Variants in RASSF4 observed in about 807,000 individuals in gnomAD.
RASSF4 encodes the protein Ras association domain family member 4.
RASSF4 carries 38 observed loss-of-function variants against 41.1 expected under a neutral mutation model. The ratio of observed to expected loss-of-function variants is 0.92; its 90% confidence interval spans 0.71 to 1.21. The LOEUF (loss-of-function observed/expected upper bound fraction) is 1.21. Among genes scored for constraint, RASSF4 ranks in the 50% most tolerant of loss-of-function variants. The pLI is 0.00. For missense variants in RASSF4, 414 were observed against 419.4 expected (o/e 0.99, Z 0.11); for synonymous variants, 179 against 163.4 (o/e 1.10, Z -0.73).
At chr10:44,961,681 C>G (rs1393605779) in intron 1 of RASSF4, among the ~76,000 whole-genome samples, 2 of 152,214 alleles carry the variant, frequency 1.3e-5, no homozygotes, top group African/African-American at 4.8e-5. Context: ...TACAGGTCTC[C>G]TCATTCGTCT....
intron 1 of RASSF4, among the ~76,000 whole-genome samples, chr10:44,969,479 C>G (rs1320338787): frequency 6.6e-6 from 1 of 152,104 alleles, no homozygotes; most frequent in East Asian, 1.9e-4. Context: ...TGCCCGTGAT[C>G]AATATAGAGA....
At chr10:44,966,716 G>A (rs893242074) in intron 1 of RASSF4, among the ~76,000 whole-genome samples, 2 of 152,158 alleles carry the variant, frequency 1.3e-5, no homozygotes, top group African/African-American at 4.8e-5. Flanking sequence ...AGAGTTGCCT[G>A]GTTAATGAGC....
intron 4 of RASSF4, 21 bp from the exon 5 acceptor site, chr10:44,984,001 C>G (rs1841819266): frequency 6.3e-7 from 1 of 1,577,522 alleles, no homozygotes; most frequent in Non-Finnish European, 8.6e-7. Flanking sequence ...CCATCTCAGC[C>G]CTGCAGTTGT....
chr10:44,964,988 G>C (rs549168986), intron 1 of RASSF4, among the ~76,000 whole-genome samples: 6 of 152,368 alleles, frequency 3.9e-5, no homozygotes, highest in African/African-American at 1.4e-4. Context: ...GTCTTCTTGC[G>C]GTGTTGGCTC....
chr10:44,976,701 AGTG>A (rs2132780924), intron 3 of RASSF4: 1 of 152,776 alleles, frequency 6.5e-6, no homozygotes, highest in East Asian at 1.9e-4. Flanking sequence ...CCTGTGTGGA[AGTG>A]GTGTAGGGGT....
Position 44,971,814 on chromosome 10 carries a change from A to T in RASSF4, c.104A>T (p.His35Leu), listed in dbSNP as rs142331384. The T allele has an allele frequency of 6.2e-7, 1 of 1,613,472 alleles. No homozygotes were observed. Among genetic ancestry groups the T allele is most frequent in the Admixed American group, 1.7e-5 (1 of 60,002 alleles). ...LGLLKTYNCY[H>L]EGKSFQLRHR... ...CTGCTGAAAACCTACAACTGCTACCATGAGGGCAAGAGCTTCCAGCTGAGA... is the reference window on the plus strand; with the variant it reads ...CTGCTGAAAACCTACAACTGCTACCTTGAGGGCAAGAGCTTCCAGCTGAGA... The change falls in exon 3 of 11, where the codon CAT (histidine) becomes CTT (leucine). Residue 35 changes from histidine (H) to leucine (L), a missense_variant. His to Leu is a moderately conservative substitution (Grantham distance 99). Transcript: ENST00000340258.
At chr10:44,991,695 G>A (rs1465168026) in intron 9 of RASSF4, among the ~76,000 whole-genome samples, 1 of 152,192 alleles carries the variant, frequency 6.6e-6, no homozygotes, top group Non-Finnish European at 1.5e-5. Context: ...TTTCCTCCCA[G>A]GGATAACAGT....
chr10:44,967,622 G>A (rs888719058), intron 1 of RASSF4, among the ~76,000 whole-genome samples: 6 of 152,234 alleles, frequency 3.9e-5, no homozygotes, highest in African/African-American at 9.6e-5. Flanking sequence ...TATTCCTGCT[G>A]TATGTGCACA....
At chr10:44,987,422 G>T (rs1163507904) in intron 6 of RASSF4, among the ~76,000 whole-genome samples, 1 of 152,064 alleles carries the variant, frequency 6.6e-6, no homozygotes, top group Non-Finnish European at 1.5e-5. Context: ...CTTTGGACAA[G>T]AAAGCCTAAT....
chr10:44,989,459 C>G (rs77434740), intron 7 of RASSF4, 84 bp downstream of exon 7: 1 of 1,087,296 alleles, frequency 9.2e-7, no homozygotes, highest in Admixed American at 1.9e-5. Flanking sequence ...GAAAGCTGCC[C>G]GTGGCAGAAG....
rs568130757 is a variant in RASSF4 at position 44,990,971 on chromosome 10, G to A, written c.709G>A (p.Glu237Lys). 24 of 1,613,568 alleles carry A rather than the reference G, an allele frequency of 1.5e-5. No individual in the cohort carries two copies. The highest frequency in any genetic ancestry group is 5.0e-5 in the Admixed American group (3 of 60,008). ...SGERTKLKDCEYPLISRILHG... is the reference protein window; with the variant it reads ...SGERTKLKDCKYPLISRILHG... ...AGAGCGGACAAAATTAAAAGACTGC[G>A]AGTACCCGCTGATTTCCAGAATCCT... is the stretch of plus-strand genomic sequence containing the variant. The change falls in exon 9 of 11, where the codon GAG becomes AAG. Residue 237 changes from glutamate (E) to lysine (K), a missense_variant. Physicochemically the swap from Glu to Lys is moderately conservative, Grantham distance 56. Coordinates refer to ENST00000340258, the MANE Select transcript of RASSF4 (RefSeq NM_032023.4).
At chr10:44,965,770 T>A (rs1840880421) in intron 1 of RASSF4, among the ~76,000 whole-genome samples, 1 of 152,188 alleles carries the variant, frequency 6.6e-6, no homozygotes, top group African/African-American at 2.4e-5. Flanking sequence ...CTGTTTACCC[T>A]ACAAGCCCAC....
Position 44,971,766 on chromosome 10 carries a change from T to A in RASSF4, c.63-7T>A. 6.2e-7 allele frequency: 1 copy of A among 1,612,764 alleles called. No individual in the cohort carries two copies. Among genetic ancestry groups the A allele is most frequent in the Non-Finnish European group, 8.5e-7 (1 of 1,178,772 alleles). On this transcript the variant is annotated splice_polypyrimidine_tract_variant and splice_region_variant and intron_variant, in intron 2 of 10. Transcript: ENST00000340258. Reference sequence around the variant, plus strand: ...CTAGGAGTACATGTGTGTCTTTCCCTTTTTAGGTCGGAGCTCTTAGGCCTG... The same window carrying A: ...CTAGGAGTACATGTGTGTCTTTCCCATTTTAGGTCGGAGCTCTTAGGCCTG...
chr10:44,983,037 T>C (rs936950306), intron 4 of RASSF4: 1 of 483,588 alleles, frequency 2.1e-6, no homozygotes, highest in Admixed American at 3.0e-5. Flanking sequence ...TACTACTCTG[T>C]TTTCATTTTA....
intron 2 of RASSF4, chr10:44,971,533 C>G (rs1841163127): frequency 1.5e-6 from 1 of 663,074 alleles, no homozygotes; most frequent in East Asian, 2.9e-5. Context: ...AGACGCAGGC[C>G]TGTCCCGTGA....
chr10:44,982,842 C>T, intron 4 of RASSF4, 179 bp downstream of exon 4: 1 of 728,184 alleles, frequency 1.4e-6, no homozygotes, highest in East Asian at 2.7e-5. Context: ...GGTGGCCTCT[C>T]CCTCCTTCCT....
chr10:44,989,828 G>T, intron 8 of RASSF4, 107 bp downstream of exon 8: 2 of 1,011,458 alleles, frequency 2.0e-6, no homozygotes, highest in Non-Finnish European at 3.1e-6. Context: ...GATGGGCTCC[G>T]TGCTGGCTTG....
intron 5 of RASSF4, 56 bp from the exon 6 acceptor site, chr10:44,984,757 C>T: frequency 6.3e-7 from 1 of 1,590,662 alleles, no homozygotes; most frequent in Non-Finnish European, 8.6e-7. Context: ...CGACAGCAGG[C>T]AGTTGCTCTG....
intron 3 of RASSF4, chr10:44,977,977 G>C: frequency 1.2e-6 from 2 of 1,612,170 alleles, no homozygotes; most frequent in Middle Eastern, 3.3e-4. Flanking sequence ...TCTCCTCCGT[G>C]GTCTCCCGAA....
Sources: allele counts gnomAD v4.1 joint callset (sites outside exome capture counted in the v4.1 genomes callset), GRCh38; gene constraint gnomAD v4.1.1; transcripts MANE v1.5; gene names NCBI Gene and HGNC (gene_info 2026-07-23, HGNC 2026-07-21).